Variants in AGBL4 observed in about 807,000 individuals in gnomAD.
The protein encoded by AGBL4 is AGBL carboxypeptidase 4, also known as cytosolic carboxypeptidase 6.
Under a neutral mutation model 66.4 loss-of-function variants are expected in AGBL4, and 58 were observed. That is an observed-to-expected ratio of 0.87 (90% CI 0.71 to 1.09). The LOEUF is 1.09. Ranked by LOEUF, AGBL4 falls within the 50% of genes least tolerant of loss-of-function variation. The pLI is 0.00. For synonymous variants in AGBL4, 234 were observed against 222.9 expected (o/e 1.05, Z -0.44); for missense variants, 579 against 631.0 (o/e 0.92, Z 0.88).
chr1:48,626,042 ATATC>A (rs1645497124), intron 9 of AGBL4, among the ~76,000 whole-genome samples: 1 of 152,202 alleles, frequency 6.6e-6, no homozygotes, highest in African/African-American at 2.4e-5. Context: ...CCCCTGTACA[ATATC>A]ACATTTACTT....
chr1:48,796,551 G>A (rs2148736734), intron 6 of AGBL4, among the ~76,000 whole-genome samples: 1 of 152,320 alleles, frequency 6.6e-6, no homozygotes, highest in Admixed American at 6.5e-5. Flanking sequence ...TGGGGATCCA[G>A]AGTATCCATT....
In AGBL4 at chr1:48,846,293, A is replaced by AAGAT. The variant is rs201776523; in HGVS notation, c.634+20894_634+20897dup. 6.0e-3 allele frequency among the ~76,000 whole-genome samples: 907 copies of AAGAT among 150,864 alleles called. 8 individuals carry two copies. The highest frequency in any genetic ancestry group is 0.021 in the African/African-American group (829 of 40,394). On this transcript the variant is annotated intron_variant, in intron 6 of 13. Coordinates refer to ENST00000371839, the MANE Select transcript of AGBL4 (RefSeq NM_032785.4). The stretch of plus-strand genomic sequence containing the variant: ...TACATGCTAAATACTCAAGATTTGT[A>AAGAT]AGATAGATAGATAGATAGACAGATA...
chr1:48,653,339 G>A lies in AGBL4; in HGVS notation c.837C>T (p.Tyr279=), dbSNP rs760373509. 1 of 1,569,914 alleles carries A rather than the reference G, an allele frequency of 6.4e-7. No homozygotes were observed. Among genetic ancestry groups the A allele is most frequent in the Non-Finnish European group, 8.6e-7 (1 of 1,156,124 alleles). The change falls in exon 8 of 14, where the codon TAC becomes TAT. Residue 279 remains tyrosine (Y), a splice_region_variant and synonymous_variant. Coordinates refer to ENST00000371839, the MANE Select transcript of AGBL4 (RefSeq NM_032785.4). ...AAGCATTCTCCCCAATTCCTTACCT[G>A]TAATTGCCCAGGTAGACTCCATCAG... The part of the protein sequence containing the change: ...LNPDGVYLGN[Y]RCSLMGFDLN...
chr1:49,030,630 T>C (rs1664132549), intron 5 of AGBL4, among the ~76,000 whole-genome samples: 1 of 151,936 alleles, frequency 6.6e-6, no homozygotes, highest in Admixed American at 6.6e-5. Flanking sequence ...TGTGTGCTCC[T>C]TATGAGGATC....
intron 5 of AGBL4, among the ~76,000 whole-genome samples, chr1:49,008,904 A>G (rs1267347083): frequency 2.6e-5 from 4 of 151,966 alleles, no homozygotes; most frequent in South Asian, 2.1e-4. Context: ...TTATAGCACT[A>G]AATGCCCACA....
At chr1:49,188,945 C>T (rs1297602201) in intron 4 of AGBL4, among the ~76,000 whole-genome samples, 1 of 152,164 alleles carries the variant, frequency 6.6e-6, no homozygotes, top group East Asian at 1.9e-4. Flanking sequence ...TTATGGCCAA[C>T]TCTGATCAAC....
chr1:49,410,864 C>A (rs765880807), intron 3 of AGBL4, among the ~76,000 whole-genome samples: 3 of 152,178 alleles, frequency 2.0e-5, no homozygotes, highest in Non-Finnish European at 4.4e-5. Context: ...ATGATACTCA[C>A]TGCACTTATC....
At chr1:50,004,597 G>A (rs1660996354) in intron 1 of AGBL4, among the ~76,000 whole-genome samples, 1 of 152,134 alleles carries the variant, frequency 6.6e-6, no homozygotes, top group Non-Finnish European at 1.5e-5. Flanking sequence ...GTAGGACAGG[G>A]CCCCAGACAG....
intron 3 of AGBL4, among the ~76,000 whole-genome samples, chr1:49,677,987 G>T (rs920791279): frequency 6.6e-6 from 1 of 152,080 alleles, no homozygotes; most frequent in Non-Finnish European, 1.5e-5. Context: ...ATTTTGTTAC[G>T]GCACCTAAAG....
intron 1 of AGBL4, among the ~76,000 whole-genome samples, chr1:49,943,486 A>C (rs924096260): frequency 6.6e-6 from 1 of 152,230 alleles, no homozygotes; most frequent in Middle Eastern, 3.4e-3. Flanking sequence ...TAAAAGGGGG[A>C]TCATCCGCCC....
chr1:49,055,641 A>G (rs1644294846), intron 4 of AGBL4, among the ~76,000 whole-genome samples: 1 of 152,116 alleles, frequency 6.6e-6, no homozygotes, highest in Non-Finnish European at 1.5e-5. Context: ...TACTAATGAC[A>G]TAGTGTTAGA....
At chr1:49,689,937 A>G (rs1309883049) in intron 3 of AGBL4, among the ~76,000 whole-genome samples, 2 of 152,182 alleles carry the variant, frequency 1.3e-5, no homozygotes, top group African/African-American at 4.8e-5. Context: ...GCTACAGAGA[A>G]GTATTTCATG....
rs142156814 is a variant in AGBL4 at position 49,015,796 on chromosome 1, T to C, written c.594+29788A>G. On this transcript the variant is annotated intron_variant, in intron 5 of 13. Coordinates refer to ENST00000371839, the MANE Select transcript of AGBL4 (RefSeq NM_032785.4). ...TTAGCATGTACCACTTACATAATTTTACAAAATGCTATTTCATTTATTTTT... is the reference window on the plus strand; with the variant it reads ...TTAGCATGTACCACTTACATAATTTCACAAAATGCTATTTCATTTATTTTT... Among the ~76,000 whole-genome samples, 233 of 152,292 alleles carry C rather than the reference T, an allele frequency of 1.5e-3. 1 individual carries two copies. Among genetic ancestry groups the C allele is most frequent in the African/African-American group, 5.3e-3 (221 of 41,556 alleles).
intron 5 of AGBL4, 106 bp from the exon 6 acceptor site, chr1:48,867,336 G>T: frequency 9.0e-7 from 1 of 1,116,982 alleles, no homozygotes; most frequent in Non-Finnish European, 1.3e-6. Context: ...CATACTGCAG[G>T]GTAAATCATA....
intron 3 of AGBL4, among the ~76,000 whole-genome samples, chr1:49,579,442 T>C (rs1271288573): frequency 2.6e-5 from 4 of 152,206 alleles, no homozygotes; most frequent in Admixed American, 6.5e-5. Context: ...TAACATATAG[T>C]GTATCTTGCA....
chr1:48,986,374 T>C (rs990956736), intron 5 of AGBL4, among the ~76,000 whole-genome samples: 15 of 151,934 alleles, frequency 9.9e-5, no homozygotes, highest in African/African-American at 3.4e-4. Context: ...TCATAATCAA[T>C]TTGTTTAAAG....
rs538227278 is a variant in AGBL4 at position 49,958,636 on chromosome 1, T to C, written c.34+65127A>G. Among the ~76,000 whole-genome samples the C allele has an allele frequency of 5.7e-5, 8 of 140,126 alleles. No homozygotes were observed. In the South Asian group the frequency reaches 8.7e-4, roughly 15 times the overall value. The allele number at this position is 140,126 out of a possible 152,430, so 91.9% of individuals were successfully genotyped here. A position where few individuals can be genotyped will look rare whatever the true frequency, so the allele number is the denominator to read the frequency against. ...ACATGTTCTCACTCATAGGTGGGAATTGAACAATGAGAACACATGGACACA... is the reference window on the plus strand; with the variant it reads ...ACATGTTCTCACTCATAGGTGGGAACTGAACAATGAGAACACATGGACACA... On this transcript the variant is annotated intron_variant, in intron 1 of 13. Transcript: ENST00000371839.
intron 2 of AGBL4, among the ~76,000 whole-genome samples, chr1:49,773,691 A>G (rs188963567): frequency 5.3e-5 from 8 of 152,320 alleles, no homozygotes; most frequent in Admixed American, 5.2e-4. Context: ...TGGAATGGCA[A>G]GGCCACTGCC....
chr1:49,779,269 C>A (rs1466067219), intron 2 of AGBL4, among the ~76,000 whole-genome samples: 2 of 152,094 alleles, frequency 1.3e-5, no homozygotes, highest in African/African-American at 4.8e-5. Context: ...TCCTAAATGT[C>A]AAAATGGTTA....
Sources: gnomAD v4.1 joint callset for allele counts (sites outside exome capture counted in the v4.1 genomes callset) on GRCh38, gnomAD v4.1.1 for gene constraint, MANE v1.5 for transcripts, NCBI Gene and HGNC (gene_info 2026-07-23, HGNC 2026-07-21) for gene names.